SORCS3: variants seen among roughly 807,000 people sequenced by gnomAD.
SORCS3 encodes VPS10 domain-containing receptor SorCS3.
In SORCS3, 57 loss-of-function variants were observed where a neutral mutation model predicts 146.3. The ratio of observed to expected loss-of-function variants is 0.39; its 90% CI spans 0.31 to 0.49. The LOEUF is 0.49. Ranked by LOEUF, SORCS3 falls within the 20% of genes least tolerant of loss-of-function variation. SORCS3 has a pLI of 0.92. For missense variants in SORCS3, 1,341 were observed against 1,575.5 expected, an observed-to-expected ratio of 0.85 and a Z score of 2.52; for synonymous variants, 653 against 618.5, an observed-to-expected ratio of 1.06 and a Z score of -0.83.
At chr10:105,035,507 G>T (rs1303204427) in intron 4 of SORCS3, among the ~76,000 whole-genome samples, 4 of 145,048 alleles carry the variant, frequency 2.8e-5, no homozygotes, top group African/African-American at 1.0e-4. Flanking sequence ...TGGCTCTGTT[G>T]CCCAGGCTGG....
intron 3 of SORCS3, among the ~76,000 whole-genome samples, chr10:104,923,446 A>C (rs1271614881): frequency 1.3e-5 from 2 of 152,208 alleles, no homozygotes; most frequent in Non-Finnish European, 2.9e-5. Context: ...CTTGGTCAAA[A>C]GGTGGGTCCC....
chr10:105,070,756 T>G (rs992563109), intron 5 of SORCS3, among the ~76,000 whole-genome samples: 1 of 152,204 alleles, frequency 6.6e-6, no homozygotes, highest in Non-Finnish European at 1.5e-5. Flanking sequence ...AAACAAGATA[T>G]CTGATGTGCC....
At chr10:104,973,661 A>G (rs1323521472) in intron 3 of SORCS3, among the ~76,000 whole-genome samples, 1 of 150,638 alleles carries the variant, frequency 6.6e-6, no homozygotes, top group African/African-American at 2.5e-5. Context: ...TGGATTCATT[A>G]ATTTTTTGAA....
intron 1 of SORCS3, among the ~76,000 whole-genome samples, chr10:104,672,870 A>G (rs2133258629): frequency 6.6e-6 from 1 of 152,126 alleles, no homozygotes; most frequent in African/African-American, 2.4e-5. Context: ...AAAATCTTCA[A>G]CTGTTATTAT....
At chr10:104,665,493 CAG>C (rs2015762985) in intron 1 of SORCS3, 1 of 152,210 alleles carries the variant, frequency 6.6e-6, no homozygotes, top group Admixed American at 6.5e-5. Context: ...AAGAGATAGT[CAG>C]AGAAAAAACA....
At chr10:104,996,765 C>CA (rs1339536398) in intron 4 of SORCS3, among the ~76,000 whole-genome samples, 1 of 151,894 alleles carries the variant, frequency 6.6e-6, no homozygotes, top group Non-Finnish European at 1.5e-5. Flanking sequence ...TGTGAGAAAG[C>CA]ATTTTGAAAT....
chr10:104,902,662 G>A (rs978721147), intron 2 of SORCS3, among the ~76,000 whole-genome samples: 5 of 152,208 alleles, frequency 3.3e-5, no homozygotes, highest in Non-Finnish European at 5.9e-5. Flanking sequence ...TTTTCCAGAG[G>A]AGAAACAGGG....
intron 1 of SORCS3, among the ~76,000 whole-genome samples, chr10:104,653,661 TA>T (rs1205839287): frequency 1.3e-5 from 2 of 152,290 alleles, no homozygotes; most frequent in Non-Finnish European, 2.9e-5. Flanking sequence ...ATTTTTAATT[TA>T]AAAAATTGTT....
chr10:105,002,113 T>C (rs17197890), intron 4 of SORCS3, among the ~76,000 whole-genome samples: 1,651 of 152,256 alleles, frequency 0.011, 20 homozygotes, highest in Non-Finnish European at 0.018. Context: ...TGTGCCCAGG[T>C]AGGCCCCAGG....
intron 1 of SORCS3, among the ~76,000 whole-genome samples, chr10:104,741,740 C>T (rs2016847461): frequency 1.5e-4 from 3 of 19,568 alleles, no homozygotes; most frequent in African/African-American, 4.3e-4. Flanking sequence ...TTTGCCTAGC[C>T]TTTGAGTTTT....
intron 1 of SORCS3, among the ~76,000 whole-genome samples, chr10:104,838,727 C>T (rs1038566714): frequency 2.0e-5 from 3 of 152,156 alleles, no homozygotes; most frequent in Non-Finnish European, 2.9e-5. Flanking sequence ...TGGGTAGTGT[C>T]ACTGTAGCAT....
chr10:104,746,225 C>T (rs1053397519), intron 1 of SORCS3, among the ~76,000 whole-genome samples: 1 of 151,260 alleles, frequency 6.6e-6, no homozygotes, highest in African/African-American at 2.4e-5. Context: ...CAAGCTCCGC[C>T]TCCCAGGTTC....
chr10:105,217,861 ATGT>A (rs1471076540), intron 19 of SORCS3: 5 of 453,962 alleles, frequency 1.1e-5, no homozygotes, highest in Non-Finnish European at 2.2e-5. Flanking sequence ...GGTCGAGGAA[ATGT>A]TGTCTTGGGG....
chr10:104,723,901 C>T (rs2016585636), intron 1 of SORCS3, among the ~76,000 whole-genome samples: 1 of 152,182 alleles, frequency 6.6e-6, no homozygotes. Flanking sequence ...CTGAATACAG[C>T]ACACTGATGG....
chr10:105,178,134 G>T lies in SORCS3; in HGVS notation c.1970G>T (p.Gly657Val). The T allele has an allele frequency of 6.2e-7, 1 of 1,613,526 alleles. No homozygotes were observed. The highest frequency in any genetic ancestry group is 8.5e-7 in the Non-Finnish European group (1 of 1,179,726). The change falls in exon 14 of 27, where the codon GGG becomes GTG. Residue 657 changes from glycine (G) to valine (V), a missense_variant. Coordinates refer to ENST00000369701, the MANE Select transcript of SORCS3 (RefSeq NM_014978.3). ...ACTTCGGTTCCTCTCTTTGTTGACG[G>T]GGCTCTGGTGGAGGCAGGAATGGAG... Reference protein sequence around the residue: ...GFTSVPLFVDGALVEAGMETH... With the variant: ...GFTSVPLFVDVALVEAGMETH...
chr10:104,994,591 A>T (rs572022357), intron 4 of SORCS3, among the ~76,000 whole-genome samples: 2 of 152,280 alleles, frequency 1.3e-5, no homozygotes, highest in East Asian at 3.9e-4. Flanking sequence ...CTCCTTTGTA[A>T]TTCTTTTCTT....
intron 3 of SORCS3, among the ~76,000 whole-genome samples, chr10:104,963,588 T>C (rs1410781780): frequency 6.6e-6 from 1 of 152,150 alleles, no homozygotes; most frequent in Non-Finnish European, 1.5e-5. Flanking sequence ...GTCATGGTTA[T>C]CTCCAGATTC....
intron 1 of SORCS3, among the ~76,000 whole-genome samples, chr10:104,706,980 T>A (rs1249074232): frequency 6.6e-6 from 1 of 152,148 alleles, no homozygotes; most frequent in Admixed American, 6.6e-5. Context: ...CTAAAGTTTT[T>A]CATATGTGTG....
intron 1 of SORCS3, among the ~76,000 whole-genome samples, chr10:104,796,578 A>G (rs556425179): frequency 1.7e-4 from 26 of 152,282 alleles, no homozygotes; most frequent in African/African-American, 6.3e-4. Flanking sequence ...ATGGCAGGTG[A>G]TACTGTTTTT....
Sources: gnomAD v4.1 joint callset for allele counts (sites outside exome capture counted in the v4.1 genomes callset) on GRCh38, gnomAD v4.1.1 for gene constraint, MANE v1.5 for transcripts, NCBI Gene and HGNC (gene_info 2026-07-23, HGNC 2026-07-21) for gene names.